Variants in PHF21B observed in about 807,000 individuals in gnomAD.
PHF21B encodes the protein PHD finger protein 21B.
A neutral mutation model predicts 62.2 loss-of-function variants in PHF21B; 22 were observed. The ratio of observed to expected loss-of-function variants is 0.35; its 90% CI spans 0.25 to 0.51. PHF21B has a LOEUF of 0.51. Among genes scored for constraint, PHF21B ranks in the 20% least tolerant of loss-of-function variants. PHF21B has a pLI of 0.97. For missense variants in PHF21B, 701 were observed against 707.9 expected, an observed-to-expected ratio of 0.99 and a Z score of 0.11; for synonymous variants, 341 against 314.7, an observed-to-expected ratio of 1.08 and a Z score of -0.88.
At position 44,916,630 on chromosome 22, in the gene PHF21B, C is replaced by G. The variant is rs760189478; in HGVS notation, c.214G>C (p.Val72Leu). 3.1e-6 allele frequency: 5 copies of G among 1,600,610 alleles called. No homozygotes were observed. The highest frequency in any genetic ancestry group is 4.2e-6 in the Non-Finnish European group (5 of 1,179,818). Reference sequence around the variant, plus strand: ...TCTGGAATCAGAGTCTTTGGCCTAACCTGGGAAGAAGGGACAGGTATGTGG... The same window carrying G: ...TCTGGAATCAGAGTCTTTGGCCTAAGCTGGGAAGAAGGGACAGGTATGTGG... ...AGQGAAVLPQ[V>L]RPKTLIPDSL... is the part of the protein sequence containing the mutation. Residue 72 changes from valine to leucine, a missense_variant and splice_region_variant, in exon 4 of 13, where the codon GTT becomes CTT. Val to Leu is a conservative substitution (Grantham distance 32, BLOSUM62 1). Transcript: ENST00000313237.
intron 2 of PHF21B, among the ~76,000 whole-genome samples, chr22:44,931,331 C>T (rs1456319270): frequency 1.3e-5 from 2 of 152,048 alleles, no homozygotes; most frequent in African/African-American, 2.4e-5. Context: ...CGCTGTGGCC[C>T]GGCTGCCAGG....
intron 2 of PHF21B, among the ~76,000 whole-genome samples, chr22:44,928,910 C>T (rs941087864): frequency 3.9e-5 from 6 of 152,154 alleles, no homozygotes; most frequent in East Asian, 3.9e-4. Context: ...GCCCCACTGC[C>T]GGGGCTGAGG....
At chr22:44,932,144 T>C (rs1222642812) in intron 2 of PHF21B, among the ~76,000 whole-genome samples, 1 of 152,170 alleles carries the variant, frequency 6.6e-6, no homozygotes, top group Non-Finnish European at 1.5e-5. Context: ...GGAGGTTAGT[T>C]TTCCCTCTAC....
At chr22:45,008,199 CCGCCCCCATG>C in intron 2 of PHF21B, 1 of 210,842 alleles carries the variant, frequency 4.7e-6, no homozygotes, top group Non-Finnish European at 9.4e-6. Flanking sequence ...CCGCCCCCCT[CCGCCCCCATG>C]GCCGCCTCAG....
chr22:44,995,182 G>A (rs1338552714), intron 2 of PHF21B, among the ~76,000 whole-genome samples: 2 of 152,162 alleles, frequency 1.3e-5, no homozygotes, highest in African/African-American at 2.4e-5. Flanking sequence ...GCTGCACCAG[G>A]ATGTAATAAA....
At position 44,882,844 on chromosome 22, in the gene PHF21B, C is replaced by G. The variant is rs1271395979; in HGVS notation, c.*242G>C. The G allele has an allele frequency of 8.1e-6, 4 of 494,078 alleles. No individual in the cohort carries two copies. The South Asian group carries it at 8.8e-5, about 11-fold the overall frequency. The allele number at this position is 494,078 out of a possible 1,614,324, so 30.6% of individuals were successfully genotyped here. A position where few individuals can be genotyped will look rare whatever the true frequency, so the allele number is the denominator to read the frequency against. On this transcript the variant is annotated 3_prime_UTR_variant, in exon 13 of 13. Coordinates refer to ENST00000313237, the MANE Select transcript of PHF21B (RefSeq NM_138415.5). ...GGTGGCCGGGGGGAGACTGTGTGCC[C>G]CAGCCTGTCGTACCCCACCTGGCTC...
chr22:45,009,287 G>T lies in PHF21B; in HGVS notation c.54+209C>A, dbSNP rs369963913. Reference sequence around the variant, plus strand: ...TCGGGTCCCACGCGTCCTCGATCCCGCAAACTGTGCAGGACAGCGCCAGGG... The same window carrying T: ...TCGGGTCCCACGCGTCCTCGATCCCTCAAACTGTGCAGGACAGCGCCAGGG... On this transcript the variant is annotated intron_variant, in intron 1 of 12. Transcript: ENST00000313237. The surrounding 1 kb of genome is among the most constrained non-coding windows in gnomAD (Gnocchi z 5.9). 18 of 569,918 alleles carry T rather than the reference G, an allele frequency of 3.2e-5. No individual in the cohort carries two copies. Among genetic ancestry groups the T allele is most frequent in the Non-Finnish European group, 4.7e-5 (16 of 339,378 alleles). 35.3% of individuals were successfully genotyped at this position (569,918 alleles called of 1,614,324 possible).
chr22:44,988,929 C>T (rs944064209), intron 2 of PHF21B, among the ~76,000 whole-genome samples: 2 of 152,316 alleles, frequency 1.3e-5, no homozygotes, highest in East Asian at 3.9e-4. Flanking sequence ...TGGTGCCTGG[C>T]TGCTGTGTCC....
At chr22:45,001,729 G>C (rs182102859) in intron 2 of PHF21B, 2 of 152,236 alleles carry the variant, frequency 1.3e-5, no homozygotes, top group Admixed American at 6.5e-5. Flanking sequence ...AACCTGAGCT[G>C]TTCCCAAGAG....
intron 4 of PHF21B, among the ~76,000 whole-genome samples, chr22:44,914,409 T>C (rs2071399921): frequency 6.6e-6 from 1 of 152,136 alleles, no homozygotes; most frequent in Non-Finnish European, 1.5e-5. Context: ...GAGAGTCAGG[T>C]TGGTCATCAG....
At chr22:44,941,761 G>A (rs1325334987) in intron 2 of PHF21B, among the ~76,000 whole-genome samples, 1 of 152,168 alleles carries the variant, frequency 6.6e-6, no homozygotes, top group Admixed American at 6.5e-5. Flanking sequence ...TCAGGAAACA[G>A]ACCTGCTCAT....
chr22:44,989,886 A>C (rs989549402), intron 2 of PHF21B, among the ~76,000 whole-genome samples: 2 of 152,202 alleles, frequency 1.3e-5, no homozygotes, highest in African/African-American at 4.8e-5. Flanking sequence ...CTGGGATTAC[A>C]GGCGTGAGCC....
At chr22:44,938,614 C>T (rs2071895586) in intron 2 of PHF21B, among the ~76,000 whole-genome samples, 1 of 152,210 alleles carries the variant, frequency 6.6e-6, no homozygotes, top group South Asian at 2.1e-4. Flanking sequence ...CTAGAGGAGC[C>T]CAGCTGGTGC....
intron 2 of PHF21B, among the ~76,000 whole-genome samples, chr22:44,983,265 G>A (rs1357836231): frequency 6.6e-6 from 1 of 152,000 alleles, no homozygotes; most frequent in African/African-American, 2.4e-5. Flanking sequence ...CAAAACCGGG[G>A]GAAATCTAGT....
chr22:44,975,352 G>A (rs907439543), intron 2 of PHF21B, among the ~76,000 whole-genome samples: 13 of 152,078 alleles, frequency 8.5e-5, no homozygotes, highest in African/African-American at 2.9e-4. Flanking sequence ...GGAGCAGGAA[G>A]CGCCTTTGGG....
chr22:44,997,249 AGCCACAGGTGGC>A (rs1179635269), intron 2 of PHF21B, among the ~76,000 whole-genome samples: 9 of 152,270 alleles, frequency 5.9e-5, no homozygotes, highest in African/African-American at 2.2e-4. Context: ...TGGAGATGGC[AGCCACAGGTGGC>A]TCCTGGCAAC....
At chr22:44,999,542 T>C (rs1363179566) in intron 2 of PHF21B, among the ~76,000 whole-genome samples, 2 of 152,160 alleles carry the variant, frequency 1.3e-5, no homozygotes, top group African/African-American at 4.8e-5. Context: ...GCAAAAGTAC[T>C]GCTCGCGGTC....
intron 5 of PHF21B, among the ~76,000 whole-genome samples, chr22:44,904,074 G>T (rs2071207895): frequency 6.6e-6 from 1 of 151,996 alleles, no homozygotes; most frequent in Admixed American, 6.6e-5. Context: ...GAAATTATAG[G>T]TGGCATTACA....
At chr22:44,918,922 T>C (rs1319417471) in intron 3 of PHF21B, among the ~76,000 whole-genome samples, 1 of 152,092 alleles carries the variant, frequency 6.6e-6, no homozygotes, top group Non-Finnish European at 1.5e-5. Flanking sequence ...GAAGTCCAAC[T>C]CTAAGGTCCC....
Sources: allele counts gnomAD v4.1 joint callset (sites outside exome capture counted in the v4.1 genomes callset), GRCh38; gene constraint gnomAD v4.1.1; non-coding constraint Gnocchi (gnomAD v3.1); transcripts MANE v1.5; gene names NCBI Gene and HGNC (gene_info 2026-07-23, HGNC 2026-07-21).